The following TRDN variants were observed in gnomAD, a reference collection of about 807,000 sequenced individuals.
The protein encoded by TRDN is triadin in skeletal muscle.
In TRDN, 161 loss-of-function variants were observed where a neutral mutation model predicts 149.7. The observed-to-expected ratio is 1.08, with a 90% confidence interval of 0.95 to 1.23. TRDN has a LOEUF of 1.23. TRDN is among the 50% of genes most tolerant of loss of function. TRDN has a pLI of 0.00. For missense variants in TRDN, 896 were observed against 823.5 expected (o/e 1.09, Z -1.08); for synonymous variants, 294 against 250.5 (o/e 1.17, Z -1.64).
chr6:123,269,601 TTTAA>T (rs1419967985), intron 31 of TRDN, among the ~76,000 whole-genome samples: 1 of 151,932 alleles, frequency 6.6e-6, no homozygotes. Flanking sequence ...TTAGTAGTGA[TTTAA>T]TTAATCATTA....
At chr6:123,494,635 A>T (rs907186151) in intron 9 of TRDN, among the ~76,000 whole-genome samples, 8 of 152,204 alleles carry the variant, frequency 5.3e-5, no homozygotes, top group Non-Finnish European at 5.9e-5. Context: ...CTCATATGTA[A>T]GTAAACACCT....
chr6:123,583,350 G>A (rs949232930), intron 1 of TRDN, among the ~76,000 whole-genome samples: 18 of 152,024 alleles, frequency 1.2e-4, no homozygotes, highest in African/African-American at 4.1e-4. Context: ...TGAGACTGGG[G>A]CCTAATAAAA....
In TRDN at chr6:123,530,563, T is replaced by G. The variant is rs1780197625; in HGVS notation, c.427A>C (p.Ile143Leu). 1 of 1,245,538 alleles carries G rather than the reference T, an allele frequency of 8.0e-7. No homozygotes were observed. The highest frequency in any genetic ancestry group is 1.6e-5 in the African/African-American group (1 of 63,600). The allele number at this position is 1,245,538 out of a possible 1,614,324, so 77.2% of individuals were successfully genotyped here. The part of the protein sequence containing the change: ...IDEPPLRKKE[I>L]HKDKTEKQEK... ...TGTTTTTCAGTCTTATCTTTGTGTATTTCTAAGAAAAAATAGAATTTATAA... is the reference window on the plus strand; with the variant it reads ...TGTTTTTCAGTCTTATCTTTGTGTAGTTCTAAGAAAAAATAGAATTTATAA... The change falls in exon 5 of 41, where the codon ATA (isoleucine) becomes CTA (leucine). Residue 143 changes from isoleucine to leucine, a missense_variant and splice_region_variant. Transcript: ENST00000334268.
At chr6:123,579,373 C>G (rs185972966) in intron 1 of TRDN, among the ~76,000 whole-genome samples, 2 of 152,124 alleles carry the variant, frequency 1.3e-5, no homozygotes, top group East Asian at 3.9e-4. Flanking sequence ...TTTATCAGAA[C>G]CTTTTTCTTC....
chr6:123,606,202 A>C (rs1784519937), intron 1 of TRDN, among the ~76,000 whole-genome samples: 1 of 152,076 alleles, frequency 6.6e-6, no homozygotes, highest in Non-Finnish European at 1.5e-5. Flanking sequence ...TTAAGTATCA[A>C]CTTTATTATT....
intron 12 of TRDN, among the ~76,000 whole-genome samples, chr6:123,421,174 C>A (rs1773882697): frequency 6.6e-6 from 1 of 152,172 alleles, no homozygotes; most frequent in South Asian, 2.1e-4. Flanking sequence ...GGGTGAATTT[C>A]CTTTATAATG....
intron 20 of TRDN, among the ~76,000 whole-genome samples, chr6:123,355,473 A>ACT (rs528899516): frequency 1.1e-4 from 16 of 151,704 alleles, no homozygotes; most frequent in Non-Finnish European, 1.9e-4. Context: ...ATAAAATTTC[A>ACT]CTTTTTTCCT....
intron 12 of TRDN, among the ~76,000 whole-genome samples, chr6:123,396,451 C>T (rs1435406402): frequency 6.6e-6 from 1 of 152,018 alleles, no homozygotes; most frequent in Non-Finnish European, 1.5e-5. Context: ...AGTACAATGA[C>T]TTAAATAAAA....
chr6:123,391,398 T>A (rs1782107963), intron 13 of TRDN, among the ~76,000 whole-genome samples: 2 of 152,222 alleles, frequency 1.3e-5, no homozygotes, highest in South Asian at 4.1e-4. Context: ...ATATACTCTA[T>A]CAGATATTAG....
chr6:123,238,118 A>C (rs1381300592), intron 38 of TRDN, among the ~76,000 whole-genome samples: 1 of 152,206 alleles, frequency 6.6e-6, no homozygotes, highest in Non-Finnish European at 1.5e-5. Context: ...TTTTCTACTA[A>C]CAGAACTCTA....
At chr6:123,392,383 C>G (rs1772524420) in intron 13 of TRDN, among the ~76,000 whole-genome samples, 1 of 150,970 alleles carries the variant, frequency 6.6e-6, no homozygotes, top group Non-Finnish European at 1.5e-5. Context: ...GTCGTAGTTC[C>G]ACATCTACAC....
chr6:123,559,019 G>A lies in TRDN; in HGVS notation c.233-10407C>T, dbSNP rs562040177. On this transcript the variant is annotated intron_variant, in intron 2 of 40. Transcript: ENST00000334268. The stretch of plus-strand genomic sequence containing the variant: ...ACCCCACTGGAAATCGGACTCACCC[G>A]GCAGCCACTCCCAGAGCCCCTGGAA... Among the ~76,000 whole-genome samples the A allele has an allele frequency of 2.8e-4, 43 of 152,240 alleles. No homozygotes were observed. The East Asian group carries it at 4.4e-3, about 16-fold the overall frequency.
chr6:123,378,067 T>G (rs1781576943), intron 16 of TRDN, among the ~76,000 whole-genome samples, 169 bp from the exon 17 acceptor site: 1 of 152,154 alleles, frequency 6.6e-6, no homozygotes, highest in East Asian at 1.9e-4. Flanking sequence ...AATAATTCTT[T>G]TTTCCATTTA....
At chr6:123,269,453 T>C (rs546076727) in intron 31 of TRDN, among the ~76,000 whole-genome samples, 4 of 152,148 alleles carry the variant, frequency 2.6e-5, no homozygotes, top group Middle Eastern at 3.4e-3. Context: ...CTGTTATTCA[T>C]TACGTATGTT....
At chr6:123,349,645 T>C in intron 21 of TRDN, 2 of 942,690 alleles carry the variant, frequency 2.1e-6, no homozygotes, top group Non-Finnish European at 2.5e-6. Flanking sequence ...GTTTCTGTCT[T>C]TTTTTATAAC....
At chr6:123,564,006 A>T (rs1782137808) in intron 2 of TRDN, among the ~76,000 whole-genome samples, 2 of 152,224 alleles carry the variant, frequency 1.3e-5, no homozygotes, top group South Asian at 2.1e-4. Flanking sequence ...AAGACTAAAA[A>T]TGTAGGAACA....
Position 123,304,543 on chromosome 6 carries a change from C to T in TRDN, c.1510+11914G>A, listed in dbSNP as rs527618134. Among the ~76,000 whole-genome samples, 88 of 152,102 alleles carry T rather than the reference C, an allele frequency of 5.8e-4. 1 individual carries two copies. Among genetic ancestry groups the T allele is most frequent in the East Asian group, 3.3e-3 (17 of 5,176 alleles). On this transcript the variant is annotated intron_variant, in intron 24 of 40. Transcript: ENST00000334268. ...CTGGGATTAAAGGCGTGAGACACTG[C>T]GCCCGGCTTAATTTTCTTAATATAA...
At chr6:123,256,205 C>T (rs1053581171) in intron 35 of TRDN, among the ~76,000 whole-genome samples, 4 of 152,044 alleles carry the variant, frequency 2.6e-5, no homozygotes, top group East Asian at 1.9e-4. Context: ...TTTTCTGTTC[C>T]GGTGTTAGTT....
chr6:123,300,926 C>T (rs1778375082), intron 24 of TRDN, among the ~76,000 whole-genome samples: 1 of 151,926 alleles, frequency 6.6e-6, no homozygotes, highest in South Asian at 2.1e-4. Flanking sequence ...AAGAAACAGG[C>T]TTCCAGGTCC....
Sources: allele counts gnomAD v4.1 joint callset (sites outside exome capture counted in the v4.1 genomes callset), GRCh38; gene constraint gnomAD v4.1.1; transcripts MANE v1.5; gene names NCBI Gene and HGNC (gene_info 2026-07-23, HGNC 2026-07-21).